The following LPAR1 variants were observed in gnomAD, a reference collection of about 807,000 sequenced individuals.
LPAR1 encodes the protein LPA receptor 1.
LPAR1 carries 5 observed loss-of-function variants against 23.8 expected under a neutral mutation model. The observed-to-expected ratio is 0.21, with a 90% CI of 0.11 to 0.44. LPAR1 has a LOEUF of 0.44. Ranked by LOEUF, LPAR1 falls within the 20% of genes least tolerant of loss-of-function variation. LPAR1 has a pLI of 0.99. For missense variants in LPAR1, 311 were observed against 482.8 expected (o/e 0.64, Z 3.33); for synonymous variants, 160 against 164.7 (o/e 0.97, Z 0.22).
intron 2 of LPAR1, among the ~76,000 whole-genome samples, chr9:110,978,346 G>A (rs2096602492): frequency 6.6e-6 from 1 of 152,168 alleles, no homozygotes. Context: ...CTTCTCAGAG[G>A]TAGCTGGGGG....
chr9:110,878,748 C>T (rs920909973), intron 5 of LPAR1, among the ~76,000 whole-genome samples: 7 of 152,164 alleles, frequency 4.6e-5, no homozygotes, highest in East Asian at 1.9e-4. Flanking sequence ...CCATGACTTA[C>T]GTGAGTGGCA....
At chr9:110,910,424 T>C (rs779090309) in intron 5 of LPAR1, among the ~76,000 whole-genome samples, 5 of 152,210 alleles carry the variant, frequency 3.3e-5, no homozygotes, top group Non-Finnish European at 7.3e-5. Context: ...TTACTGCTCA[T>C]TGACAATGTA....
chr9:110,976,118 C>A (rs1043665539), intron 2 of LPAR1, among the ~76,000 whole-genome samples: 1 of 152,092 alleles, frequency 6.6e-6, no homozygotes, highest in Non-Finnish European at 1.5e-5. Flanking sequence ...GCTGAGTAAG[C>A]TGGCTCACTT....
At position 111,023,282 on chromosome 9, in the gene LPAR1, C is replaced by T. The variant is rs546902466; in HGVS notation, c.-182+12840G>A. ...ATTGCCTTCCACCTGTCTTTCCCTTCCGGTTTTCTATTTTGCTTCTGTTAC... is the reference window on the plus strand; with the variant it reads ...ATTGCCTTCCACCTGTCTTTCCCTTTCGGTTTTCTATTTTGCTTCTGTTAC... On this transcript the variant is annotated intron_variant, in intron 2 of 5. Coordinates refer to ENST00000683809, the MANE Select transcript of LPAR1 (RefSeq NM_001351411.2). Among the ~76,000 whole-genome samples the T allele has an allele frequency of 1.8e-4, 27 of 152,208 alleles. No homozygotes were observed. In the South Asian group the frequency reaches 5.6e-3, roughly 32 times the overall value.
chr9:110,937,691 G>A (rs901033884), intron 5 of LPAR1, among the ~76,000 whole-genome samples: 2 of 152,156 alleles, frequency 1.3e-5, no homozygotes, highest in African/African-American at 2.4e-5. Flanking sequence ...ACCAGCCATT[G>A]GTATTGCCCA....
chr9:110,959,842 C>T lies in LPAR1; in HGVS notation c.45+12231G>A, dbSNP rs2095894584. On this transcript the variant is annotated intron_variant, in intron 4 of 5. Coordinates refer to ENST00000683809, the MANE Select transcript of LPAR1 (RefSeq NM_001351411.2). ...AAAAAGAATGAAATCATGTCAGTTG[C>T]AGCAACACGAATGGAGTGGGGGGCA... Among the ~76,000 whole-genome samples, 3 of 152,040 alleles carry T rather than the reference C, an allele frequency of 2.0e-5. No individual in the cohort carries two copies. In the South Asian group the frequency reaches 6.2e-4, roughly 32 times the overall value.
intron 4 of LPAR1, among the ~76,000 whole-genome samples, chr9:110,945,924 G>C (rs2095361685): frequency 6.6e-6 from 1 of 152,138 alleles, no homozygotes; most frequent in Non-Finnish European, 1.5e-5. Context: ...AAATCTAGGA[G>C]AAACTCCCCA....
chr9:110,913,095 G>A (rs927690234), intron 5 of LPAR1, among the ~76,000 whole-genome samples: 1 of 152,224 alleles, frequency 6.6e-6, no homozygotes, highest in Non-Finnish European at 1.5e-5. Context: ...GACTTGTCAA[G>A]CTCCATTCAA....
intron 2 of LPAR1, among the ~76,000 whole-genome samples, chr9:110,982,933 A>G (rs1013374721): frequency 4.0e-5 from 6 of 151,070 alleles, no homozygotes; most frequent in African/African-American, 1.5e-4. Context: ...ATCACTAATC[A>G]TCAGTAAAAT....
intron 4 of LPAR1, among the ~76,000 whole-genome samples, chr9:110,957,930 A>G (rs910845572): frequency 2.0e-5 from 3 of 152,208 alleles, no homozygotes; most frequent in Non-Finnish European, 2.9e-5. Context: ...GTTTTTACAC[A>G]CCAATAATGA....
At chr9:110,911,925 A>G (rs2092494167) in intron 5 of LPAR1, among the ~76,000 whole-genome samples, 1 of 152,218 alleles carries the variant, frequency 6.6e-6, no homozygotes, top group African/African-American at 2.4e-5. Flanking sequence ...CTTATAATAC[A>G]GAAAAGGGCT....
At chr9:110,914,139 T>C (rs1454656148) in intron 5 of LPAR1, among the ~76,000 whole-genome samples, 1 of 152,230 alleles carries the variant, frequency 6.6e-6, no homozygotes, top group African/African-American at 2.4e-5. Flanking sequence ...TGCCTGATTC[T>C]AATCCTGTTT....
At chr9:110,886,869 C>T (rs75245587) in intron 5 of LPAR1, among the ~76,000 whole-genome samples, 151 of 152,274 alleles carry the variant, frequency 9.9e-4, no homozygotes, top group Middle Eastern at 6.8e-3. Context: ...CCAACATCAT[C>T]TAACTTAGAA....
intron 5 of LPAR1, among the ~76,000 whole-genome samples, chr9:110,875,961 G>A (rs1588088030): frequency 6.6e-6 from 1 of 152,100 alleles, no homozygotes; most frequent in Admixed American, 6.5e-5. Context: ...AGACATTGAT[G>A]ATTATTATTT....
At chr9:110,909,794 A>G (rs2092124405) in intron 5 of LPAR1, among the ~76,000 whole-genome samples, 1 of 151,664 alleles carries the variant, frequency 6.6e-6, no homozygotes, top group Middle Eastern at 3.4e-3. Context: ...TGCCCTGACT[A>G]GAGTGCAGTG....
intron 5 of LPAR1, among the ~76,000 whole-genome samples, chr9:110,887,157 T>G (rs2082628132): frequency 6.6e-6 from 1 of 152,134 alleles, no homozygotes; most frequent in Non-Finnish European, 1.5e-5. Flanking sequence ...TGGATTTTTT[T>G]TCTTTGCAGT....
rs3758283 is a variant in LPAR1 at position 110,974,899 on chromosome 9, G to T, written c.-181-1341C>A. ...CTGTTTTACACTGAACTTATTCCTGGCACTATTTTTTGCTCACTCCTACTT... is the reference window on the plus strand; with the variant it reads ...CTGTTTTACACTGAACTTATTCCTGTCACTATTTTTTGCTCACTCCTACTT... On this transcript the variant is annotated intron_variant, in intron 2 of 5. Transcript: ENST00000683809. Among the ~76,000 whole-genome samples the T allele has an allele frequency of 7.2e-5, 11 of 152,162 alleles. No homozygotes were observed. The East Asian group carries it at 1.9e-3, about 27-fold the overall frequency.
At chr9:111,009,998 AATATATATATATATATATATATATAT>A (rs55696642) in intron 2 of LPAR1, among the ~76,000 whole-genome samples, 1,593 of 123,438 alleles carry the variant, frequency 0.013, 71 homozygotes, top group African/African-American at 0.046. Context: ...TAATTAGGAA[AATATATATATATATATATATATATAT>A]ATATATATAT....
chr9:110,923,490 C>G (rs1418269578), intron 5 of LPAR1, among the ~76,000 whole-genome samples: 1 of 152,040 alleles, frequency 6.6e-6, no homozygotes, highest in Admixed American at 6.6e-5. Context: ...TTATTTTGGC[C>G]AACTGTAGGC....
Sources: allele counts gnomAD v4.1 joint callset (sites outside exome capture counted in the v4.1 genomes callset), GRCh38; gene constraint gnomAD v4.1.1; transcripts MANE v1.5; gene names NCBI Gene and HGNC (gene_info 2026-07-23, HGNC 2026-07-21).